The following TPH2 variants were observed in gnomAD, a reference collection of about 807,000 sequenced individuals.
TPH2 encodes tryptophan hydroxylase 2, also known as tryptophan 5-hydroxylase 2.
In TPH2, 27 loss-of-function variants were observed where a neutral mutation model predicts 59.1. That is an observed-to-expected ratio of 0.46 (90% CI 0.34 to 0.63). The LOEUF (loss-of-function observed/expected upper bound fraction) is 0.63. TPH2 is among the 30% of genes least tolerant of loss of function. The pLI, the probability that TPH2 is intolerant of heterozygous loss-of-function variation, is 0.01. For synonymous variants in TPH2, 220 were observed against 210.5 expected (o/e 1.05, Z -0.39); for missense variants, 523 against 588.3 (o/e 0.89, Z 1.15).
chr12:71,994,391 A>T, intron 7 of TPH2, 48 bp from the exon 8 acceptor site: 1 of 1,611,462 alleles, frequency 6.2e-7, no homozygotes, highest in Non-Finnish European at 8.5e-7. Context: ...ACCAGTGGTA[A>T]TTTAAAGCTT....
chr12:72,022,245 G>A (rs932298884), intron 8 of TPH2, among the ~76,000 whole-genome samples, 154 bp from the exon 9 acceptor site: 6 of 152,118 alleles, frequency 3.9e-5, no homozygotes, highest in African/African-American at 9.7e-5. Flanking sequence ...CTGAGCAAGA[G>A]AATAGATTTC....
At chr12:71,954,814 C>A (rs1871448398) in intron 5 of TPH2, among the ~76,000 whole-genome samples, 1 of 138,450 alleles carries the variant, frequency 7.2e-6, no homozygotes, top group African/African-American at 2.7e-5. Context: ...TATTCCTCAA[C>A]AATATGCATG....
At chr12:71,993,411 G>A (rs555081301) in intron 7 of TPH2, among the ~76,000 whole-genome samples, 63 of 152,230 alleles carry the variant, frequency 4.1e-4, no homozygotes, top group African/African-American at 1.5e-3. Context: ...AATTTAAAAT[G>A]TTCCTGCATC....
intron 9 of TPH2, among the ~76,000 whole-genome samples, chr12:72,025,891 T>G (rs1271331440): frequency 2.0e-5 from 3 of 152,220 alleles, no homozygotes; most frequent in Non-Finnish European, 4.4e-5. Flanking sequence ...TTTTGATATA[T>G]TATTTGCTTG....
At chr12:71,952,851 C>G (rs750938705) in intron 5 of TPH2, among the ~76,000 whole-genome samples, 4 of 152,212 alleles carry the variant, frequency 2.6e-5, no homozygotes, top group Non-Finnish European at 5.9e-5. Flanking sequence ...GTACCTCACA[C>G]ATCGCCCAAC....
chr12:71,992,072 G>A (rs1291762105), intron 7 of TPH2, among the ~76,000 whole-genome samples: 1 of 152,230 alleles, frequency 6.6e-6, no homozygotes, highest in Non-Finnish European at 1.5e-5. Context: ...TGCTCCTCAA[G>A]TGATTTGGAA....
intron 5 of TPH2, among the ~76,000 whole-genome samples, chr12:71,952,913 C>T (rs898306658): frequency 1.3e-5 from 2 of 152,206 alleles, no homozygotes; most frequent in African/African-American, 4.8e-5. Context: ...TAATACATCT[C>T]CCCAGACCAT....
chr12:72,014,637 C>A (rs537746855), intron 8 of TPH2, among the ~76,000 whole-genome samples: 2 of 152,094 alleles, frequency 1.3e-5, no homozygotes, highest in South Asian at 4.2e-4. Context: ...GTGATCTACC[C>A]GCCTTGGCCT....
chr12:72,019,288 A>G (rs945370990), intron 8 of TPH2, among the ~76,000 whole-genome samples: 3 of 152,038 alleles, frequency 2.0e-5, no homozygotes, highest in Admixed American at 6.6e-5. Context: ...GCTCCCCTAC[A>G]ATCTATTTTC....
chr12:71,968,031 G>C (rs1871866088), intron 5 of TPH2, among the ~76,000 whole-genome samples: 1 of 152,196 alleles, frequency 6.6e-6, no homozygotes, highest in Non-Finnish European at 1.5e-5. Flanking sequence ...TTCTTCTAGA[G>C]TTGGGGGCTG....
intron 9 of TPH2, among the ~76,000 whole-genome samples, chr12:72,025,614 C>A (rs1167832122): frequency 6.6e-6 from 1 of 152,064 alleles, no homozygotes; most frequent in Non-Finnish European, 1.5e-5. Flanking sequence ...TACTTTTTCC[C>A]CCACAGCAAT....
rs141093893 is a variant in TPH2, at chr12:72,019,057, A to C, written c.1069-3342A>C. ...TATGACTGTATGATTACTTCCCTTC[A>C]TTGCACCCAGAATTATGCAAATTTT... On this transcript the variant is annotated intron_variant, in intron 8 of 10. Transcript: ENST00000333850. Among the ~76,000 whole-genome samples, 34 of 152,258 alleles carry C rather than the reference A, an allele frequency of 2.2e-4. No homozygotes were observed. In the East Asian group the frequency reaches 6.4e-3, roughly 29 times the overall value.
chr12:71,981,147 G>A (rs755084277), intron 7 of TPH2, among the ~76,000 whole-genome samples: 15 of 152,190 alleles, frequency 9.9e-5, no homozygotes, highest in Non-Finnish European at 2.1e-4. Context: ...AAGGCTGGAC[G>A]GGGAGGGAAG....
In TPH2 at chr12:71,994,581, A is replaced by G. The variant is rs776828211; in HGVS notation, c.1068+16A>G. ...ACTAGCCACGGTGAGTTCATTTTCA[A>G]CTTAAAACCAGTGCTATTTATGTCC... is the stretch of plus-strand genomic sequence containing the variant. On this transcript the variant is annotated intron_variant, in intron 8 of 10. Transcript: ENST00000333850. 2.5e-6 allele frequency: 4 copies of G among 1,613,444 alleles called. No individual in the cohort carries two copies. The highest frequency in any genetic ancestry group is 1.1e-5 in the South Asian group (1 of 91,064).
intron 9 of TPH2, among the ~76,000 whole-genome samples, chr12:72,028,321 A>G (rs572370232): frequency 3.3e-5 from 5 of 152,166 alleles, no homozygotes; most frequent in Non-Finnish European, 7.4e-5. Context: ...CAGAGAATCC[A>G]CTCTGGACAT....
At position 71,994,361 on chromosome 12, in the gene TPH2, A is replaced by G. The variant is rs910053943; in HGVS notation, c.942-78A>G. The G allele has an allele frequency of 2.6e-6, 4 of 1,513,614 alleles. No individual in the cohort carries two copies. The African/African-American group carries it at 5.5e-5, about 21-fold the overall frequency. 93.8% of individuals were successfully genotyped at this position (1,513,614 alleles called of 1,614,324 possible). A position where few individuals can be genotyped will look rare whatever the true frequency, so the allele number is the denominator to read the frequency against. ...TAATTACAGTGACAAGGTCTTATTT[A>G]GGTTTTTAAGTCTTGTTCTACCAGT... is the stretch of plus-strand genomic sequence containing the variant. On this transcript the variant is annotated intron_variant, in intron 7 of 10. Coordinates refer to ENST00000333850, the MANE Select transcript of TPH2 (RefSeq NM_173353.4).
chr12:71,947,025 T>C (rs554952386), intron 4 of TPH2, among the ~76,000 whole-genome samples: 1 of 152,244 alleles, frequency 6.6e-6, no homozygotes, highest in Admixed American at 6.5e-5. Context: ...ACTCATAAGG[T>C]GTTTGTTAAA....
intron 9 of TPH2, 115 bp from the exon 10 acceptor site, chr12:72,031,143 A>G: frequency 1.5e-6 from 2 of 1,354,246 alleles, no homozygotes; most frequent in Non-Finnish European, 2.1e-6. Context: ...ACAGACTAGT[A>G]ACTGAGCAGC....
At chr12:72,012,058 G>A (rs981406435) in intron 8 of TPH2, among the ~76,000 whole-genome samples, 1 of 152,186 alleles carries the variant, frequency 6.6e-6, no homozygotes, top group Non-Finnish European at 1.5e-5. Flanking sequence ...GGTATGGCCT[G>A]CAGGGCAACT....
Sources: gnomAD v4.1 joint callset for allele counts (sites outside exome capture counted in the v4.1 genomes callset) on GRCh38, gnomAD v4.1.1 for gene constraint, MANE v1.5 for transcripts, NCBI Gene and HGNC (gene_info 2026-07-23, HGNC 2026-07-21) for gene names.